The following CSGALNACT1 variants were observed in gnomAD, a reference collection of about 807,000 sequenced individuals.
CSGALNACT1 encodes chondroitin sulfate N-acetylgalactosaminyltransferase 1.
A neutral mutation model predicts 51.0 loss-of-function variants in CSGALNACT1; 52 were observed. That is an observed-to-expected ratio of 1.02 (90% CI 0.82 to 1.29). The LOEUF is 1.29. Among genes scored for constraint, CSGALNACT1 ranks in the 50% most tolerant of loss-of-function variants. CSGALNACT1 has a pLI of 0.00. For synonymous variants in CSGALNACT1, 341 were observed against 254.4 expected, an observed-to-expected ratio of 1.34 and a Z score of -3.24; for missense variants, 935 against 679.2, an observed-to-expected ratio of 1.38 and a Z score of -4.19.
At chr8:19,537,698 C>A (rs138067475) in intron 3 of CSGALNACT1, among the ~76,000 whole-genome samples, 9 of 152,036 alleles carry the variant, frequency 5.9e-5, no homozygotes, top group African/African-American at 2.2e-4. Context: ...CATAAGCAAA[C>A]AAAAGAAAAA....
At chr8:19,557,106 G>C (rs752480115) in intron 3 of CSGALNACT1, among the ~76,000 whole-genome samples, 15 of 151,902 alleles carry the variant, frequency 9.9e-5, no homozygotes, top group Non-Finnish European at 1.5e-4. Flanking sequence ...CATCACTGTT[G>C]AGGTGCCTGG....
chr8:19,450,069 AGAGGGGGAG>A (rs2062822960), intron 5 of CSGALNACT1, among the ~76,000 whole-genome samples: 1 of 104,416 alleles, frequency 9.6e-6, no homozygotes, highest in South Asian at 4.7e-4. Flanking sequence ...GAAAGAAGAA[AGAGGGGGAG>A]GAGGGGGAGG....
chr8:19,756,097 A>G (rs1376685086), intron 1 of CSGALNACT1, among the ~76,000 whole-genome samples: 1 of 152,206 alleles, frequency 6.6e-6, no homozygotes, highest in East Asian at 1.9e-4. Context: ...TCTCCCTCCA[A>G]TTAGCAACAT....
intron 8 of CSGALNACT1, among the ~76,000 whole-genome samples, chr8:19,409,172 C>T (rs148910196): frequency 2.0e-5 from 3 of 152,170 alleles, no homozygotes; most frequent in Non-Finnish European, 4.4e-5. Flanking sequence ...GCTGCCCTGG[C>T]ACGGTCCACT....
chr8:19,736,488 G>A (rs17091238), intron 1 of CSGALNACT1, among the ~76,000 whole-genome samples: 21,912 of 149,946 alleles, frequency 0.15, 1,720 homozygotes, highest in Middle Eastern at 0.18. Context: ...ATGTGCTTGG[G>A]ACTGAGAAAG....
chr8:19,713,407 G>A (rs2062623550), intron 1 of CSGALNACT1, among the ~76,000 whole-genome samples: 1 of 152,152 alleles, frequency 6.6e-6, no homozygotes, highest in African/African-American at 2.4e-5. Flanking sequence ...TGAAGACTTA[G>A]TAAGTGTTAT....
At chr8:19,509,230 C>T (rs758407518) in intron 3 of CSGALNACT1, among the ~76,000 whole-genome samples, 13 of 152,174 alleles carry the variant, frequency 8.5e-5, no homozygotes, top group Non-Finnish European at 1.3e-4. Flanking sequence ...CTGGGAGTAT[C>T]TGCTTCCTGA....
chr8:19,570,788 T>C (rs2042860858), intron 3 of CSGALNACT1, among the ~76,000 whole-genome samples: 1 of 152,056 alleles, frequency 6.6e-6, no homozygotes, highest in Admixed American at 6.6e-5. Context: ...TAATCCCAGC[T>C]ACTTGGGAGG....
chr8:19,666,874 AAAGAAAG>A (rs1437909850), intron 1 of CSGALNACT1, among the ~76,000 whole-genome samples: 1 of 132,008 alleles, frequency 7.6e-6, no homozygotes, highest in Non-Finnish European at 1.6e-5. Context: ...AGAAAGAAAG[AAAGAAAG>A]AAAGAGAGAG....
At chr8:19,552,096 T>C (rs1333213650) in intron 3 of CSGALNACT1, among the ~76,000 whole-genome samples, 1 of 152,098 alleles carries the variant, frequency 6.6e-6, no homozygotes, top group Admixed American at 6.6e-5. Context: ...GGATAAAAAA[T>C]AGTAATTAGA....
chr8:19,627,344 T>A (rs1217997626), intron 1 of CSGALNACT1, among the ~76,000 whole-genome samples: 2 of 152,084 alleles, frequency 1.3e-5, no homozygotes, highest in African/African-American at 4.8e-5. Flanking sequence ...GGAGCATGGA[T>A]GGATCCACGG....
chr8:19,582,671 T>A (rs527398427), intron 3 of CSGALNACT1, among the ~76,000 whole-genome samples: 3 of 152,168 alleles, frequency 2.0e-5, no homozygotes, highest in African/African-American at 7.2e-5. Context: ...ACTCTTCAGC[T>A]TGACTTAAAT....
chr8:19,572,714 G>A (rs1269643775), intron 3 of CSGALNACT1, among the ~76,000 whole-genome samples: 1 of 152,182 alleles, frequency 6.6e-6, no homozygotes, highest in African/African-American at 2.4e-5. Flanking sequence ...GTGGAAATTG[G>A]ATAGCAAACG....
exon 5 of CSGALNACT1, chr8:19,458,467 T>G: frequency 6.2e-7 from 1 of 1,614,208 alleles, no homozygotes; most frequent in South Asian, 1.1e-5. Flanking sequence ...CCACCCTTTT[T>G]GCTAGAGGCA....
At chr8:19,586,214 T>C (rs190920897) in intron 3 of CSGALNACT1, among the ~76,000 whole-genome samples, 4 of 151,810 alleles carry the variant, frequency 2.6e-5, no homozygotes, top group East Asian at 3.9e-4. Flanking sequence ...AACACAAAAA[T>C]TATCCGGGCG....
intron 8 of CSGALNACT1, among the ~76,000 whole-genome samples, chr8:19,411,738 AG>A (rs2055788672): frequency 1.3e-5 from 2 of 152,162 alleles, no homozygotes; most frequent in Non-Finnish European, 2.9e-5. Context: ...ACAATAGAGG[AG>A]GAAGGAACCC....
At chr8:19,753,269 A>G (rs1475116644) in intron 1 of CSGALNACT1, among the ~76,000 whole-genome samples, 1 of 152,166 alleles carries the variant, frequency 6.6e-6, no homozygotes, top group African/African-American at 2.4e-5. Flanking sequence ...GAGGGAAATG[A>G]TATTTAAAAT....
At chr8:19,587,331 C>A (rs1386295630) in intron 3 of CSGALNACT1, among the ~76,000 whole-genome samples, 1 of 152,132 alleles carries the variant, frequency 6.6e-6, no homozygotes, top group Non-Finnish European at 1.5e-5. Flanking sequence ...GAGCTGTAAG[C>A]AAAACTTGGA....
rs113040560 is a variant in CSGALNACT1, at chr8:19,490,250, C to T, written c.634+14951G>A. Reference sequence around the variant, plus strand: ...CAAGCTACAGATGGAAGGCTGCACACGAGAAGCTGCTTCTGCGACTCACAC... The same window carrying T: ...CAAGCTACAGATGGAAGGCTGCACATGAGAAGCTGCTTCTGCGACTCACAC... On this transcript the variant is annotated intron_variant, in intron 4 of 9. Transcript: ENST00000454498. Among the ~76,000 whole-genome samples the T allele has an allele frequency of 5.7e-3, 867 of 152,190 alleles. 9 individuals carry two copies. The highest frequency in any genetic ancestry group is 0.02 in the African/African-American group (811 of 41,512).
Sources: gnomAD v4.1 joint callset for allele counts (sites outside exome capture counted in the v4.1 genomes callset) on GRCh38, gnomAD v4.1.1 for gene constraint, MANE v1.5 for transcripts, NCBI Gene and HGNC (gene_info 2026-07-23, HGNC 2026-07-21) for gene names.